Variants in HMGA1 observed in about 807,000 individuals in gnomAD.
HMGA1 encodes the protein high mobility group AT-hook 1.
A neutral mutation model predicts 15.1 loss-of-function variants in HMGA1; 1 was observed. The observed-to-expected ratio is 0.07, with a 90% CI of 0.02 to 0.31. The LOEUF (loss-of-function observed/expected upper bound fraction) is 0.31. Among genes scored for constraint, HMGA1 ranks in the 10% least tolerant of loss-of-function variants. The pLI is 1.00. For missense variants in HMGA1, 94 were observed against 141.4 expected, an observed-to-expected ratio of 0.66 and a Z score of 1.70; for synonymous variants, 56 against 54.8, an observed-to-expected ratio of 1.02 and a Z score of -0.10.
At position 34,244,842 on chromosome 6, in the gene HMGA1, A is replaced by AGAG. The variant is rs1762607727; in HGVS notation, c.287_289dup (p.Glu96dup). The AGAG allele has an allele frequency of 6.4e-7, 1 of 1,571,876 alleles. No homozygotes were observed. On this transcript the variant is annotated inframe_insertion, in exon 6 of 6. Transcript: ENST00000311487. The stretch of plus-strand genomic sequence containing the variant: ...TGCCCACCTCACAGGAGAAGGAGGA[A>AGAG]GAGGAGGGCATCTCGCAGGAGTCCT...
Position 34,245,829 on chromosome 6 carries a change from T to G in HMGA1, c.*945T>G. On this transcript the variant is annotated 3_prime_UTR_variant, in exon 6 of 6. Transcript: ENST00000311487. The stretch of plus-strand genomic sequence containing the variant: ...CCCCCCAAGGTTCTGGTTCCATTTT[T>G]CCTCTGTTCACAAACTACCTCTGGA... 2.5e-6 allele frequency: 1 copy of G among 398,808 alleles called. No homozygotes were observed. Among genetic ancestry groups the G allele is most frequent in the Non-Finnish European group, 4.9e-6 (1 of 205,722 alleles). The allele number at this position is 398,808 out of a possible 1,614,324, so 24.7% of individuals were successfully genotyped here.
In HMGA1 at chr6:34,244,934, CTGGACAGCT is replaced by C. The variant is rs760323577; in HGVS notation, c.*52_*60del. The C allele has an allele frequency of 6.5e-7, 1 of 1,549,026 alleles. No homozygotes were observed. Among genetic ancestry groups the C allele is most frequent in the African/African-American group, 1.4e-5 (1 of 73,100 alleles). Reference sequence around the variant, plus strand: ...CTGGAGGAGCAGCTTCCTTCTGGGACTGGACAGCTTTGCTCCGCTCCCACCGCCCCCACC... The same window carrying C: ...CTGGAGGAGCAGCTTCCTTCTGGGACTTGCTCCGCTCCCACCGCCCCCACC... On this transcript the variant is annotated 3_prime_UTR_variant, in exon 6 of 6. Transcript: ENST00000311487.
chr6:34,243,025 C>T (rs1231507733), intron 4 of HMGA1, among the ~76,000 whole-genome samples: 2 of 152,006 alleles, frequency 1.3e-5, no homozygotes, highest in Non-Finnish European at 2.9e-5. Flanking sequence ...CTGCGGAGAT[C>T]AGGTCAGAAG....
chr6:34,237,141 G>C (rs1027045907), intron 1 of HMGA1, 63 bp from the exon 2 acceptor site: 1 of 150,586 alleles, frequency 6.6e-6, no homozygotes, highest in Non-Finnish European at 1.5e-5. Flanking sequence ...CCCCGCGGGG[G>C]CCTGGGCGGC....
intron 3 of HMGA1, among the ~76,000 whole-genome samples, chr6:34,241,366 T>A (rs1462716603): frequency 6.6e-6 from 1 of 152,262 alleles, no homozygotes; most frequent in Non-Finnish European, 1.5e-5. Flanking sequence ...GTAAAGTTGC[T>A]GAATACTTAT....
chr6:34,243,571 G>T (rs907221103), intron 5 of HMGA1, 53 bp downstream of exon 5: 22 of 1,418,964 alleles, frequency 1.6e-5, no homozygotes, highest in Admixed American at 1.2e-4. Flanking sequence ...TGAGTTGAGG[G>T]TGTTGAGTAC....
At chr6:34,244,709 T>G (rs551445336) in intron 5 of HMGA1, 122 bp from the exon 6 acceptor site, 1 of 800,186 alleles carries the variant, frequency 1.2e-6, no homozygotes, top group African/African-American at 1.7e-5. Context: ...ACCCACACAC[T>G]CAGCCCTGAC....
At chr6:34,238,687 C>T (rs375075132) in intron 2 of HMGA1, 8 of 152,206 alleles carry the variant, frequency 5.3e-5, no homozygotes, top group Non-Finnish European at 1.2e-4. Context: ...AGACAGGCCT[C>T]TGATGTTCAG....
chr6:34,242,754 C>A lies in HMGA1; in HGVS notation c.178C>A (p.Arg60=), dbSNP rs747951998. ...GCCAACACCTAAGAGACCTCGGGGC[C>A]GACCAAAGGGAAGCAAAAACAAGGG... ...EVPTPKRPRG[R]PKGSKNKGAA... The change falls in exon 4 of 6, where the codon CGA becomes AGA. Residue 60 remains arginine (R), a synonymous_variant. Coordinates refer to ENST00000311487, the MANE Select transcript of HMGA1 (RefSeq NM_145899.3). The A allele has an allele frequency of 1.4e-5, 22 of 1,593,608 alleles. No individual in the cohort carries two copies. The highest frequency in any genetic ancestry group is 9.1e-5 in the East Asian group (4 of 44,120).
Position 34,242,793 on chromosome 6 carries a change from C to A in HMGA1, c.217C>A (p.Arg73=). ...GSKNKGAAKT[R]KTTTTPGRKP... Reference sequence around the variant, plus strand: ...CAAAAACAAGGGTGCTGCCAAGACCCGGGTGAGACTTGAGATGGGACTACC... The same window carrying A: ...CAAAAACAAGGGTGCTGCCAAGACCAGGGTGAGACTTGAGATGGGACTACC... The change falls in exon 4 of 6, where the codon CGG becomes AGG. Residue 73 remains arginine (R), a splice_region_variant and synonymous_variant. Coordinates refer to ENST00000311487, the MANE Select transcript of HMGA1 (RefSeq NM_145899.3). The A allele has an allele frequency of 1.9e-6, 3 of 1,582,456 alleles. No homozygotes were observed. Among genetic ancestry groups the A allele is most frequent in the Non-Finnish European group, 2.6e-6 (3 of 1,162,232 alleles).
At chr6:34,239,268 C>CTT (rs113644738) in intron 2 of HMGA1, among the ~76,000 whole-genome samples, 1 of 144,802 alleles carries the variant, frequency 6.9e-6, no homozygotes, top group Non-Finnish European at 1.5e-5. Flanking sequence ...TCTTTTTCTT[C>CTT]TTTTTTTTTT....
intron 1 of HMGA1, 46 bp downstream of exon 1, chr6:34,237,009 A>G (rs1251303029): frequency 6.6e-6 from 1 of 151,924 alleles, no homozygotes; most frequent in African/African-American, 2.4e-5. Flanking sequence ...TATATCTATA[A>G]TTTAATTAAA....
At position 34,245,684 on chromosome 6, in the gene HMGA1, G is replaced by C. The variant is rs371593640; in HGVS notation, c.*800G>C. 414 of 1,170,570 alleles carry C rather than the reference G, an allele frequency of 3.5e-4. No homozygotes were observed. The East Asian group carries it at 5.1e-3, about 14-fold the overall frequency. The allele number at this position is 1,170,570 out of a possible 1,614,324, so 72.5% of individuals were successfully genotyped here. A position where few individuals can be genotyped will look rare whatever the true frequency, so the allele number is the denominator to read the frequency against. On this transcript the variant is annotated 3_prime_UTR_variant, in exon 6 of 6. Transcript: ENST00000311487. ...TGTGGCCGCCACCTGAGGTGGGCTG[G>C]GGCTGCTCCCCTAACCCTACTTTGC... is the stretch of plus-strand genomic sequence containing the variant.
intron 4 of HMGA1, 120 bp from the exon 5 acceptor site, chr6:34,243,348 T>G (rs1436368501): frequency 1.3e-6 from 1 of 795,038 alleles, no homozygotes; most frequent in East Asian, 2.7e-5. Context: ...GTGGGCCTGT[T>G]GGGTGAGAGT....
rs753754619 is a variant in HMGA1 at position 34,245,483 on chromosome 6, C to G, written c.*599C>G. On this transcript the variant is annotated 3_prime_UTR_variant, in exon 6 of 6. Transcript: ENST00000311487. ...TCACTTTTCATCCTTCCCCAACTTC[C>G]CTAGTCCCCGTACTAGGTTGGACAG... The G allele has an allele frequency of 2.2e-6, 3 of 1,381,266 alleles. No homozygotes were observed. Among genetic ancestry groups the G allele is most frequent in the Non-Finnish European group, 2.9e-6 (3 of 1,037,810 alleles). 85.6% of individuals were successfully genotyped at this position (1,381,266 alleles called of 1,614,324 possible).
intron 5 of HMGA1, among the ~76,000 whole-genome samples, chr6:34,244,255 C>T (rs886341221): frequency 1.7e-4 from 26 of 152,192 alleles, no homozygotes; most frequent in African/African-American, 6.3e-4. Context: ...GTGCCTGGCA[C>T]GGGGGCTGTA....
At chr6:34,243,933 T>TG (rs1762506316) in intron 5 of HMGA1, among the ~76,000 whole-genome samples, 1 of 152,074 alleles carries the variant, frequency 6.6e-6, no homozygotes, top group Non-Finnish European at 1.5e-5. Flanking sequence ...AGCTGGGCCC[T>TG]GGGAGGGGTC....
At chr6:34,237,798 A>T (rs1202201455) in intron 2 of HMGA1, among the ~76,000 whole-genome samples, 4 of 151,372 alleles carry the variant, frequency 2.6e-5, no homozygotes, top group Admixed American at 6.6e-5. Flanking sequence ...GAAGTTCTGG[A>T]AGTGAGGGAG....
Position 34,245,037 on chromosome 6 carries a change from C to T in HMGA1, c.*153C>T, listed in dbSNP as rs1561878298. 3 of 1,540,432 alleles carry T rather than the reference C, an allele frequency of 1.9e-6. No homozygotes were observed. The Admixed American group carries it at 5.9e-5, about 30-fold the overall frequency. ...CCATCTTCCACCTGTGCCCTCACCACCACACTACACAGCACACCAGCCGCT... is the reference window on the plus strand; with the variant it reads ...CCATCTTCCACCTGTGCCCTCACCATCACACTACACAGCACACCAGCCGCT... On this transcript the variant is annotated 3_prime_UTR_variant, in exon 6 of 6. Coordinates refer to ENST00000311487, the MANE Select transcript of HMGA1 (RefSeq NM_145899.3).
Sources: gnomAD v4.1 joint callset for allele counts (sites outside exome capture counted in the v4.1 genomes callset) on GRCh38, gnomAD v4.1.1 for gene constraint, MANE v1.5 for transcripts, NCBI Gene and HGNC (gene_info 2026-07-23, HGNC 2026-07-21) for gene names.